BRAF: variants seen among roughly 807,000 people sequenced by gnomAD.
BRAF encodes B-Raf proto-oncogene, serine/threonine kinase.
In BRAF, 16 loss-of-function variants were observed where a neutral mutation model predicts 104.6. The observed-to-expected ratio is 0.15, with a 90% CI of 0.10 to 0.23. The LOEUF is 0.23. Among genes scored for constraint, BRAF ranks in the 10% least tolerant of loss-of-function variants. The pLI, the probability that BRAF is intolerant of heterozygous loss-of-function variation, is 1.00. For synonymous variants in BRAF, 310 were observed against 341.6 expected (o/e 0.91, Z 1.02); for missense variants, 541 against 937.3 (o/e 0.58, Z 5.52).
At chr7:140,826,500 TAA>T (rs1258298651) in intron 3 of BRAF, among the ~76,000 whole-genome samples, 1 of 152,204 alleles carries the variant, frequency 6.6e-6, no homozygotes, top group Non-Finnish European at 1.5e-5. Context: ...CATTTGAAGT[TAA>T]GTTTCCAAGT....
intron 7 of BRAF, among the ~76,000 whole-genome samples, chr7:140,798,446 G>C (rs1319469707): frequency 6.6e-6 from 1 of 151,136 alleles, no homozygotes; most frequent in Admixed American, 6.6e-5. Flanking sequence ...ATTTTTAGTA[G>C]AGACGGGGTT....
At chr7:140,872,788 A>G (rs1182199951) in intron 1 of BRAF, among the ~76,000 whole-genome samples, 4 of 152,044 alleles carry the variant, frequency 2.6e-5, no homozygotes, top group African/African-American at 9.7e-5. Context: ...ACTTGAGCCC[A>G]TGAGGTGGAG....
In BRAF at chr7:140,897,868, CT is replaced by C. The variant is rs536308747; in HGVS notation, c.138+26697del. The stretch of plus-strand genomic sequence containing the variant: ...TAAATAAATGAAAAGACTGCTAAAT[CT>C]GACCACATAAACAGTAACAACAACA... On this transcript the variant is annotated intron_variant, in intron 1 of 19. Transcript: ENST00000644969. Among the ~76,000 whole-genome samples the C allele has an allele frequency of 3.9e-5, 6 of 152,196 alleles. No individual in the cohort carries two copies. In the South Asian group the frequency reaches 1.2e-3, roughly 32 times the overall value.
At chr7:140,820,947 A>C (rs1805409502) in intron 3 of BRAF, among the ~76,000 whole-genome samples, 1 of 152,200 alleles carries the variant, frequency 6.6e-6, no homozygotes, top group South Asian at 2.1e-4. Context: ...TAAAAATAAA[A>C]ATCTCAAGGA....
intron 19 of BRAF, chr7:140,732,032 G>A (rs1427303070): frequency 1.3e-5 from 2 of 148,252 alleles, no homozygotes; most frequent in Non-Finnish European, 3.0e-5. Context: ...TTAGCCGGGC[G>A]TAGTGGCGGG....
Position 140,834,672 on chromosome 7 carries a change from G to A in BRAF, c.441C>T (p.Ser147=), listed in dbSNP as rs1807123585. Reference sequence around the variant, plus strand: ...TAGGTTTTTGTGGTGACTTGGGGTTGCTCCGTGCCACATCTGTGGGATTTT... The same window carrying A: ...TAGGTTTTTGTGGTGACTTGGGGTTACTCCGTGCCACATCTGTGGGATTTT... ...VFQNPTDVAR[S]NPKSPQKPIV... The change falls in exon 3 of 20, where the codon AGC becomes AGT. Residue 147 remains serine (S), a synonymous_variant. Coordinates refer to ENST00000644969, the MANE Select transcript of BRAF (RefSeq NM_001374258.1). 1 of 1,614,048 alleles carries A rather than the reference G, an allele frequency of 6.2e-7. No individual in the cohort carries two copies. Among genetic ancestry groups the A allele is most frequent in the Admixed American group, 1.7e-5 (1 of 60,002 alleles).
At chr7:140,887,384 C>A (rs1457529416) in intron 1 of BRAF, among the ~76,000 whole-genome samples, 1 of 152,190 alleles carries the variant, frequency 6.6e-6, no homozygotes, top group Non-Finnish European at 1.5e-5. Context: ...ATTCTCTAAT[C>A]TTTGATATAG....
intron 12 of BRAF, chr7:140,781,296 C>T (rs931476544): frequency 1.2e-5 from 5 of 430,566 alleles, no homozygotes; most frequent in Non-Finnish European, 2.1e-5. Flanking sequence ...AGCTGAAAGA[C>T]TCTAAAAGAA....
intron 14 of BRAF, among the ~76,000 whole-genome samples, chr7:140,765,243 C>T (rs1799189948): frequency 2.6e-5 from 4 of 152,162 alleles, no homozygotes; most frequent in Non-Finnish European, 5.9e-5. Context: ...ACTGGCTAGC[C>T]ATATGTAGAA....
At chr7:140,899,636 T>G (rs956516970) in intron 1 of BRAF, among the ~76,000 whole-genome samples, 1 of 151,890 alleles carries the variant, frequency 6.6e-6, no homozygotes, top group Admixed American at 6.6e-5. Flanking sequence ...ATCATTTAAA[T>G]TTTTTTTTAA....
Position 140,906,087 on chromosome 7 carries a change from CAAAAAAA to C in BRAF, c.138+18472_138+18478del, listed in dbSNP as rs61150735. On this transcript the variant is annotated intron_variant, in intron 1 of 19. Coordinates refer to ENST00000644969, the MANE Select transcript of BRAF (RefSeq NM_001374258.1). ...TGGGCAACAGAGCGAGACTCCGTCT[CAAAAAAA>C]AAAAAAAAAAAAAAGAAATTAAAAC... Among the ~76,000 whole-genome samples the C allele has an allele frequency of 3.1e-3, 139 of 44,718 alleles. 1 individual carries two copies. The highest frequency in any genetic ancestry group is 0.011 in the African/African-American group (106 of 9,902). 29.3% of individuals were successfully genotyped at this position (44,718 alleles called of 152,430 possible). A position where few individuals can be genotyped will look rare whatever the true frequency, so the allele number is the denominator to read the frequency against.
chr7:140,750,173 T>C (rs61421775), intron 16 of BRAF, among the ~76,000 whole-genome samples: 21,433 of 152,192 alleles, frequency 0.14, 2,285 homozygotes, highest in African/African-American at 0.31. Flanking sequence ...AAAAGAGTTA[T>C]TCTTTCACCT....
intron 3 of BRAF, among the ~76,000 whole-genome samples, chr7:140,832,069 T>C (rs1392915048): frequency 1.3e-5 from 2 of 152,250 alleles, no homozygotes; most frequent in East Asian, 3.8e-4. Flanking sequence ...CTTAAAAATT[T>C]CTAGTTCTCT....
chr7:140,871,685 A>T (rs889859567), intron 1 of BRAF, among the ~76,000 whole-genome samples: 1 of 152,224 alleles, frequency 6.6e-6, no homozygotes, highest in African/African-American at 2.4e-5. Context: ...GCCAAAAAGT[A>T]TAAGGATTCT....
intron 1 of BRAF, among the ~76,000 whole-genome samples, chr7:140,883,305 T>C (rs537304490): frequency 2.6e-4 from 39 of 152,304 alleles, no homozygotes; most frequent in African/African-American, 9.4e-4. Context: ...CCACATGTTC[T>C]CCCCACAGGG....
At chr7:140,886,604 T>C (rs1813590623) in intron 1 of BRAF, among the ~76,000 whole-genome samples, 1 of 152,204 alleles carries the variant, frequency 6.6e-6, no homozygotes, top group African/African-American at 2.4e-5. Context: ...CCTAGCACTT[T>C]TCTAAACTAA....
intron 1 of BRAF, among the ~76,000 whole-genome samples, chr7:140,872,738 C>T: frequency 6.6e-6 from 1 of 152,046 alleles, no homozygotes; most frequent in East Asian, 1.9e-4. Flanking sequence ...TGGCATGTGT[C>T]TGTAGTTCCA....
In BRAF at chr7:140,766,742, G is replaced by A. The variant is rs986611974; in HGVS notation, c.1814+10170C>T. On this transcript the variant is annotated intron_variant, in intron 14 of 19. Coordinates refer to ENST00000644969, the MANE Select transcript of BRAF (RefSeq NM_001374258.1). ...ATTTTTGTATTTTTTGTAGAGACGG[G>A]TTTTGCCATGTTGCCTAGGGTGGTC... is the stretch of plus-strand genomic sequence containing the variant. Among the ~76,000 whole-genome samples, 13 of 152,134 alleles carry A rather than the reference G, an allele frequency of 8.5e-5. No individual in the cohort carries two copies. In the South Asian group the frequency reaches 1.5e-3, roughly 17 times the overall value.
At chr7:140,900,680 A>G (rs1815510335) in intron 1 of BRAF, among the ~76,000 whole-genome samples, 1 of 152,136 alleles carries the variant, frequency 6.6e-6, no homozygotes, top group Non-Finnish European at 1.5e-5. Context: ...GCACAATCTC[A>G]GCTCACCACA....
Sources: gnomAD v4.1 joint callset for allele counts (sites outside exome capture counted in the v4.1 genomes callset) on GRCh38, gnomAD v4.1.1 for gene constraint, MANE v1.5 for transcripts, NCBI Gene and HGNC (gene_info 2026-07-23, HGNC 2026-07-21) for gene names.